Variants in SBF2 observed in about 807,000 individuals in gnomAD.
The protein encoded by SBF2 is SET binding factor 2, also known as myotubularin-related protein 13.
Under a neutral mutation model 225.2 loss-of-function variants are expected in SBF2, and 112 were observed. The ratio of observed to expected loss-of-function variants is 0.50; its 90% CI spans 0.43 to 0.58. The LOEUF (loss-of-function observed/expected upper bound fraction) is 0.58. Ranked by LOEUF, SBF2 falls within the 20% of genes least tolerant of loss-of-function variation. The pLI, the probability that SBF2 is intolerant of heterozygous loss-of-function variation, is 0.00. For synonymous variants in SBF2, 763 were observed against 773.3 expected (o/e 0.99, Z 0.22); for missense variants, 1,996 against 2,206.2 (o/e 0.90, Z 1.91).
At chr11:9,948,632 T>C (rs1337249076) in intron 16 of SBF2, among the ~76,000 whole-genome samples, 5 of 152,164 alleles carry the variant, frequency 3.3e-5, no homozygotes, top group Admixed American at 2.6e-4. Flanking sequence ...GACATGCTCA[T>C]TGCTATAGGG....
At chr11:10,229,336 T>G (rs1158697647) in intron 1 of SBF2, among the ~76,000 whole-genome samples, 4 of 152,150 alleles carry the variant, frequency 2.6e-5, no homozygotes, top group African/African-American at 7.2e-5. Context: ...CTCTCTTAGT[T>G]ATTTCTTGCC....
At chr11:9,890,645 T>A (rs1353524042) in intron 17 of SBF2, among the ~76,000 whole-genome samples, 1 of 152,084 alleles carries the variant, frequency 6.6e-6, no homozygotes, top group African/African-American at 2.4e-5. Flanking sequence ...GCTATAAGGG[T>A]ACCAAAGGAG....
chr11:9,901,226 TAAAC>T (rs1861696297), intron 16 of SBF2, among the ~76,000 whole-genome samples: 1 of 152,298 alleles, frequency 6.6e-6, no homozygotes, highest in Middle Eastern at 3.4e-3. Context: ...CTTGGAAAGA[TAAAC>T]AGAGCACTGA....
rs1554949824 is a variant in SBF2, at chr11:9,908,686, C to CTTG, written c.1861-12678_1861-12676dup. On this transcript the variant is annotated intron_variant, in intron 16 of 39. Coordinates refer to ENST00000256190, the MANE Select transcript of SBF2 (RefSeq NM_030962.4). ...GGCCCAAATGCCATCTGTTCATAAT[C>CTTG]TTGTTGTTGCTGTTGTTGTTGTTTT... Among the ~76,000 whole-genome samples the CTTG allele has an allele frequency of 7.9e-5, 12 of 151,570 alleles. No individual in the cohort carries two copies. The South Asian group carries it at 2.5e-3, about 32-fold the overall frequency.
At chr11:10,033,104 G>C (rs897897705) in intron 3 of SBF2, among the ~76,000 whole-genome samples, 1 of 152,136 alleles carries the variant, frequency 6.6e-6, no homozygotes, top group African/African-American at 2.4e-5. Flanking sequence ...AGGTTGGTTG[G>C]TTTCTGGAAT....
chr11:10,209,574 A>ACT (rs1301698341), intron 1 of SBF2, among the ~76,000 whole-genome samples: 2 of 152,108 alleles, frequency 1.3e-5, no homozygotes, highest in Non-Finnish European at 2.9e-5. Flanking sequence ...TGTAACAGAT[A>ACT]GAGTATTTCT....
chr11:9,996,045 G>C (rs919518183), intron 9 of SBF2, among the ~76,000 whole-genome samples: 1 of 152,080 alleles, frequency 6.6e-6, no homozygotes, highest in Non-Finnish European at 1.5e-5. Context: ...CGTATACTCA[G>C]TTTTACCAAA....
At chr11:9,927,182 T>G (rs9667075) in intron 16 of SBF2, among the ~76,000 whole-genome samples, 120,691 of 152,182 alleles carry the variant, frequency 0.79, 48,202 homozygotes, top group African/African-American at 0.86. Flanking sequence ...AATTGCTAAA[T>G]ACCTCTTACA....
intron 6 of SBF2, chr11:10,016,530 A>C (rs1488278075): frequency 6.6e-6 from 1 of 152,136 alleles, no homozygotes; most frequent in Non-Finnish European, 1.5e-5. Flanking sequence ...TCTGTCGCCC[A>C]GTCTGGAGTG....
intron 2 of SBF2, among the ~76,000 whole-genome samples, chr11:10,142,633 C>A (rs1954698056): frequency 6.6e-6 from 1 of 152,164 alleles, no homozygotes; most frequent in Non-Finnish European, 1.5e-5. Context: ...TTCTATAAAA[C>A]ACTGATACTT....
rs1191788005 is a variant in SBF2, at chr11:9,780,349, A to G, written c.*69T>C. The G allele has an allele frequency of 2.2e-6, 3 of 1,360,144 alleles. No homozygotes were observed. The highest frequency in any genetic ancestry group is 3.1e-6 in the Non-Finnish European group (3 of 959,986). The allele number at this position is 1,360,144 out of a possible 1,614,324, so 84.3% of individuals were successfully genotyped here. A position where few individuals can be genotyped will look rare whatever the true frequency, so the allele number is the denominator to read the frequency against. Reference sequence around the variant, plus strand: ...CTTGTTGTCAGCTCCTCAAGGATCCATGCTTCTTTTTCTATCTATCTGGCA... The same window carrying G: ...CTTGTTGTCAGCTCCTCAAGGATCCGTGCTTCTTTTTCTATCTATCTGGCA... On this transcript the variant is annotated 3_prime_UTR_variant, in exon 40 of 40. Coordinates refer to ENST00000256190, the MANE Select transcript of SBF2 (RefSeq NM_030962.4).
At chr11:10,069,469 T>A (rs182976369) in intron 2 of SBF2, among the ~76,000 whole-genome samples, 19 of 152,300 alleles carry the variant, frequency 1.2e-4, no homozygotes, top group African/African-American at 4.6e-4. Flanking sequence ...TTCATCCATG[T>A]ACCTGCAAAG....
intron 37 of SBF2, 123 bp from the exon 38 acceptor site, chr11:9,784,561 A>G (rs1312814086): frequency 2.1e-5 from 16 of 770,010 alleles, no homozygotes; most frequent in Middle Eastern, 3.2e-4. Context: ...AAAATGGCCT[A>G]TAAGAGTTCT....
At chr11:10,049,479 T>C (rs566910362) in intron 2 of SBF2, among the ~76,000 whole-genome samples, 2 of 152,122 alleles carry the variant, frequency 1.3e-5, no homozygotes, top group Admixed American at 6.6e-5. Flanking sequence ...TGGTGGCACA[T>C]ATCTGCAATG....
intron 26 of SBF2, chr11:9,839,095 T>C: frequency 1.4e-5 from 4 of 289,132 alleles, no homozygotes; most frequent in Non-Finnish European, 2.7e-5. Context: ...AGAGACTCTA[T>C]GGCTCATAAA....
intron 17 of SBF2, among the ~76,000 whole-genome samples, chr11:9,868,108 T>C (rs992036189): frequency 6.6e-6 from 1 of 152,078 alleles, no homozygotes; most frequent in African/African-American, 2.4e-5. Context: ...AAAATATCAC[T>C]TGTACCCCAT....
At chr11:10,063,280 T>A (rs367881239) in intron 2 of SBF2, among the ~76,000 whole-genome samples, 105 of 151,836 alleles carry the variant, frequency 6.9e-4, no homozygotes, top group African/African-American at 2.3e-3. Flanking sequence ...CACATGTTTA[T>A]CTATGTAACA....
intron 13 of SBF2, among the ~76,000 whole-genome samples, chr11:9,978,982 G>C (rs918778372): frequency 8.5e-5 from 13 of 152,346 alleles, no homozygotes; most frequent in African/African-American, 2.9e-4. Flanking sequence ...CTGGGCAACA[G>C]AGTGAGATCT....
intron 2 of SBF2, among the ~76,000 whole-genome samples, chr11:10,189,690 T>G (rs79638624): frequency 0.011 from 1,621 of 152,316 alleles, 34 homozygotes; most frequent in African/African-American, 0.037. Context: ...AACTGAATGC[T>G]TCTCTTTTTC....
Sources: allele counts gnomAD v4.1 joint callset (sites outside exome capture counted in the v4.1 genomes callset), GRCh38; gene constraint gnomAD v4.1.1; transcripts MANE v1.5; gene names NCBI Gene and HGNC (gene_info 2026-07-23, HGNC 2026-07-21).